The following RPA2 variants were observed in gnomAD, a reference collection of about 807,000 sequenced individuals.
RPA2 encodes replication protein A 32 kDa subunit.
RPA2 carries 22 observed loss-of-function variants against 33.4 expected under a neutral mutation model. That is an observed-to-expected ratio of 0.66 (90% CI 0.47 to 0.94). RPA2 has a LOEUF of 0.94. Among genes scored for constraint, RPA2 ranks in the 40% least tolerant of loss-of-function variants. The probability of loss-of-function intolerance (pLI) is 0.00; values close to 1 mark genes in which losing one functional copy is unlikely to be tolerated. For missense variants in RPA2, 279 were observed against 329.9 expected (o/e 0.85, Z 1.19); for synonymous variants, 109 against 114.9 (o/e 0.95, Z 0.33).
chr1:27,894,244 G>A, intron 7 of RPA2, 46 bp downstream of exon 7: 1 of 1,568,080 alleles, frequency 6.4e-7, no homozygotes, highest in Non-Finnish European at 8.8e-7. Flanking sequence ...CAAAATTTAA[G>A]ACTATCTGTG....
chr1:27,908,955 C>G (rs1472254477), intron 2 of RPA2, among the ~76,000 whole-genome samples: 1 of 152,136 alleles, frequency 6.6e-6, no homozygotes, highest in African/African-American at 2.4e-5. Flanking sequence ...AACAATAAAC[C>G]TGATCTTGAT....
At chr1:27,893,523 C>T (rs969759318) in intron 8 of RPA2, among the ~76,000 whole-genome samples, 5 of 151,994 alleles carry the variant, frequency 3.3e-5, no homozygotes, top group Admixed American at 3.3e-4. Context: ...GTTGCCCAGG[C>T]TGGTCTTGAA....
At chr1:27,897,805 G>C in intron 4 of RPA2, 98 bp from the exon 5 acceptor site, 1 of 763,744 alleles carries the variant, frequency 1.3e-6, no homozygotes, top group South Asian at 3.2e-5. Context: ...AAGTTACGAA[G>C]TAGAAGAGTT....
At chr1:27,894,452 T>C (rs1341310185) in intron 6 of RPA2, 55 bp from the exon 7 acceptor site, 3 of 1,461,160 alleles carry the variant, frequency 2.1e-6, no homozygotes, top group Non-Finnish European at 2.8e-6. Flanking sequence ...TAAACAGTCT[T>C]TACTACTTAA....
In RPA2 at chr1:27,914,073, T is replaced by A; in HGVS notation, c.107A>T (p.Glu36Val). The A allele has an allele frequency of 6.3e-7, 1 of 1,593,894 alleles. No homozygotes were observed. The highest frequency in any genetic ancestry group is 2.2e-5 in the East Asian group (1 of 44,628). Reference sequence around the variant, plus strand: ...CTCCTTTCAACCTACTGATTTCTTTTCGGCTTGAGAAGGTGCGGGCGATCC... The same window carrying A: ...CTCCTTTCAACCTACTGATTTCTTTACGGCTTGAGAAGGTGCGGGCGATCC... ...GFGSPAPSQA[E>V]KKSRARAQHI... The change falls in exon 2 of 9, where the codon GAA becomes GTA. Residue 36 changes from glutamate to valine, a missense_variant. Physicochemically the swap from Glu to Val is moderately radical, Grantham distance 121 (BLOSUM62 -2). This residue lies in a region of RPA2 where 274 missense variants were observed against 310.3 expected (regional missense o/e 0.88). Transcript: ENST00000373912.
intron 4 of RPA2, 135 bp downstream of exon 4, chr1:27,906,793 C>A (rs2090034228): frequency 3.2e-6 from 2 of 616,114 alleles, no homozygotes; most frequent in African/African-American, 1.9e-5. Context: ...ATCTACTAAC[C>A]TTTTACTTTA....
At chr1:27,913,608 G>A (rs1029237964) in intron 2 of RPA2, among the ~76,000 whole-genome samples, 3 of 150,266 alleles carry the variant, frequency 2.0e-5, no homozygotes, top group African/African-American at 7.3e-5. Context: ...AAAAAAGAAT[G>A]TAAAAGAGAC....
At chr1:27,896,941 G>A (rs2089899483) in intron 6 of RPA2, 64 bp downstream of exon 6, 8 of 1,212,154 alleles carry the variant, frequency 6.6e-6, no homozygotes, top group Non-Finnish European at 8.3e-6. Flanking sequence ...ATCAAAGCTG[G>A]AACACAAAAG....
In RPA2 at chr1:27,894,208, A is replaced by G. The variant is rs760082163; in HGVS notation, c.633+82T>C. On this transcript the variant is annotated intron_variant, in intron 7 of 8. Transcript: ENST00000373912. ...GAAAAGAAATGAACCAGGTACTTAA[A>G]CAGTCGTAGCTCATTAAGGAAGTAA... 241 of 1,503,878 alleles carry G rather than the reference A, an allele frequency of 1.6e-4. 2 individuals are homozygous for G. The South Asian group carries it at 2.0e-3, about 13-fold the overall frequency. The allele number at this position is 1,503,878 out of a possible 1,614,324, so 93.2% of individuals were successfully genotyped here. A position where few individuals can be genotyped will look rare whatever the true frequency, so the allele number is the denominator to read the frequency against.
intron 4 of RPA2, among the ~76,000 whole-genome samples, chr1:27,898,722 AT>A (rs28904885): frequency 0.027 from 4,079 of 150,982 alleles, 195 homozygotes; most frequent in African/African-American, 0.094. Context: ...ATTTTTTTGT[AT>A]TTTTTTTGTA....
At position 27,892,137 on chromosome 1, in the gene RPA2, TATCTC is replaced by T. The variant is rs1282745314; in HGVS notation, c.*21_*25del. ...TGTGAAACTAGGTCCAGCTGTAAAA[TATCTC>T]AGGTACCCAGTTAGATCCAGTTATT... On this transcript the variant is annotated 3_prime_UTR_variant, in exon 9 of 9. Transcript: ENST00000373912. The T allele has an allele frequency of 6.3e-7, 1 of 1,581,992 alleles. No homozygotes were observed. The highest frequency in any genetic ancestry group is 1.7e-5 in the Admixed American group (1 of 59,774).
intron 2 of RPA2, among the ~76,000 whole-genome samples, chr1:27,913,461 G>GCA (rs2090126034): frequency 6.6e-6 from 1 of 151,420 alleles, no homozygotes; most frequent in Non-Finnish European, 1.5e-5. Flanking sequence ...GGTGGCACAT[G>GCA]CCTGTAATCC....
At chr1:27,906,115 A>T (rs2090025419) in intron 4 of RPA2, among the ~76,000 whole-genome samples, 1 of 152,080 alleles carries the variant, frequency 6.6e-6, no homozygotes, top group Non-Finnish European at 1.5e-5. Context: ...CATGCCTGTA[A>T]TCCAATCACT....
intron 2 of RPA2, among the ~76,000 whole-genome samples, chr1:27,912,849 A>G (rs957591626): frequency 1.3e-5 from 2 of 152,188 alleles, no homozygotes; most frequent in Non-Finnish European, 2.9e-5. Context: ...CCCTCTTCAC[A>G]GGGGCAAAAC....
intron 2 of RPA2, among the ~76,000 whole-genome samples, chr1:27,909,285 T>C (rs898996887): frequency 2.0e-5 from 3 of 152,166 alleles, no homozygotes; most frequent in African/African-American, 7.2e-5. Context: ...ACACTGCCAA[T>C]ATTTCATTTT....
Position 27,892,079 on chromosome 1 carries a change from G to T in RPA2, c.*84C>A. ...GAAACCTACTTCCTAGAAGCCCCCT[G>T]GCCAGACATATGCAGAGCTGGAGAC... On this transcript the variant is annotated 3_prime_UTR_variant, in exon 9 of 9. Transcript: ENST00000373912. 1 of 1,128,012 alleles carries T rather than the reference G, an allele frequency of 8.9e-7. No homozygotes were observed. Among genetic ancestry groups the T allele is most frequent in the Non-Finnish European group, 1.3e-6 (1 of 758,820 alleles). The allele number at this position is 1,128,012 out of a possible 1,614,324, so 69.9% of individuals were successfully genotyped here.
At position 27,907,057 on chromosome 1, in the gene RPA2, C is replaced by CAAAGAAAA. The variant is rs1557472575; in HGVS notation, c.220-24_220-17dup. The CAAAGAAAA allele has an allele frequency of 6.5e-6, 10 of 1,532,938 alleles. No homozygotes were observed. In the South Asian group the frequency reaches 1.1e-4, roughly 17 times the overall value. The allele number at this position is 1,532,938 out of a possible 1,614,324, so 95.0% of individuals were successfully genotyped here. A position where few individuals can be genotyped will look rare whatever the true frequency, so the allele number is the denominator to read the frequency against. On this transcript the variant is annotated splice_polypyrimidine_tract_variant and intron_variant, in intron 3 of 8. Coordinates refer to ENST00000373912, the MANE Select transcript of RPA2 (RefSeq NM_002946.5). Reference sequence around the variant, plus strand: ...CAATAGTGACCTAGGTTAGAAGAAACAAAGAAAAAAAAAAAAGGTCTGGTT... The same window carrying CAAAGAAAA: ...CAATAGTGACCTAGGTTAGAAGAAACAAAGAAAAAAAGAAAAAAAAAAAAGGTCTGGTT...
chr1:27,914,678 C>T, upstream of RPA2: 1 of 1,612,976 alleles, frequency 6.2e-7, no homozygotes, highest in Non-Finnish European at 8.5e-7. Flanking sequence ...AAAACGCGTA[C>T]TGCGCTCCCA....
In RPA2 at chr1:27,892,153, T is replaced by G; in HGVS notation, c.*10A>C. The G allele has an allele frequency of 6.3e-7, 1 of 1,599,776 alleles. No homozygotes were observed. The highest frequency in any genetic ancestry group is 8.6e-7 in the Non-Finnish European group (1 of 1,167,456). On this transcript the variant is annotated 3_prime_UTR_variant, in exon 9 of 9. Coordinates refer to ENST00000373912, the MANE Select transcript of RPA2 (RefSeq NM_002946.5). ...GCTGTAAAATATCTCAGGTACCCAG[T>G]TAGATCCAGTTATTCTGCATCTGTG...
Sources: gnomAD v4.1 joint callset for allele counts (sites outside exome capture counted in the v4.1 genomes callset) on GRCh38, gnomAD v4.1.1 for gene constraint, gnomAD v4.1.1 regional missense constraint, MANE v1.5 for transcripts, NCBI Gene and HGNC (gene_info 2026-07-23, HGNC 2026-07-21) for gene names.